Variants in PNKP observed in about 807,000 individuals in gnomAD.
PNKP encodes bifunctional polynucleotide phosphatase/kinase.
Under a neutral mutation model 66.2 loss-of-function variants are expected in PNKP, and 82 were observed. The ratio of observed to expected loss-of-function variants is 1.24; its 90% CI spans 1.04 to 1.49. The LOEUF is 1.49. Ranked by LOEUF, PNKP falls within the 40% of genes most tolerant of loss-of-function variation. The pLI is 0.00. For missense variants in PNKP, 907 were observed against 706.8 expected, an observed-to-expected ratio of 1.28 and a Z score of -3.21; for synonymous variants, 412 against 298.9, an observed-to-expected ratio of 1.38 and a Z score of -3.90.
chr19:49,862,011 A>G (rs1329561267), intron 13 of PNKP, 33 bp downstream of exon 13: 9 of 1,612,380 alleles, frequency 5.6e-6, no homozygotes, highest in South Asian at 3.3e-5. Context: ...GGAACTTTAT[A>G]ATAGATTTGG....
At chr19:49,862,317 C>G in intron 11 of PNKP, 36 bp from the exon 12 acceptor site, 1 of 1,544,882 alleles carries the variant, frequency 6.5e-7, no homozygotes, top group Non-Finnish European at 8.7e-7. Flanking sequence ...AGATGCCGTC[C>G]CCATCCCCGG....
rs3729641 is a variant in PNKP, at chr19:49,864,859, C to A, written c.498+268G>T. Among the ~76,000 whole-genome samples, 27,274 of 152,164 alleles carry A rather than the reference C, an allele frequency of 0.18. 2,587 individuals carry two copies. Among genetic ancestry groups the A allele is most frequent in the South Asian group, 0.27 (1,301 of 4,826 alleles). ...GTGGTAACAGCATTTGAACTCAAGT[C>A]TCTCTGGACATAAAAAATCCTCATC... is the stretch of plus-strand genomic sequence containing the variant. On this transcript the variant is annotated intron_variant, in intron 4 of 16. Coordinates refer to ENST00000322344, the MANE Select transcript of PNKP (RefSeq NM_007254.4).
At position 49,861,686 on chromosome 19, in the gene PNKP, CTG is replaced by C. The variant is rs2122319377; in HGVS notation, c.1306_1307del (p.Gln436ValfsTer57). ...AGGGGACGCCCGCGGCTCGGGCACA[CTG>C]GACGTACCTGTGGGGGAAGGAGCTG... is the stretch of plus-strand genomic sequence containing the variant. ...PDAASRARYV[Q>X]CARAAGVPCR... On this transcript the variant is annotated frameshift_variant, in exon 15 of 17. Transcript: ENST00000322344. LOFTEE classifies it high-confidence loss of function. 6.5e-7 allele frequency: 1 copy of C among 1,547,452 alleles called. No individual in the cohort carries two copies. The highest frequency in any genetic ancestry group is 8.7e-7 in the Non-Finnish European group (1 of 1,146,152).
Position 49,865,113 on chromosome 19 carries a change from G to T in PNKP, c.498+14C>A. 1 of 1,611,116 alleles carries T rather than the reference G, an allele frequency of 6.2e-7. No homozygotes were observed. Among genetic ancestry groups the T allele is most frequent in the South Asian group, 1.1e-5 (1 of 91,004 alleles). On this transcript the variant is annotated intron_variant, in intron 4 of 16. Coordinates refer to ENST00000322344, the MANE Select transcript of PNKP (RefSeq NM_007254.4). ...GTCTGTGGCGGCTCCCTCAGCCCTC[G>T]GCGTGGCCCTCACCTTGCCCTGGGG...
intron 4 of PNKP, 53 bp downstream of exon 4, chr19:49,865,071 CGTG>C (rs1317833984): frequency 6.7e-7 from 1 of 1,497,644 alleles, no homozygotes; most frequent in African/African-American, 1.4e-5. Context: ...ACGCAACAAA[CGTG>C]GGATTGGGTC....
chr19:49,863,623 G>A, intron 8 of PNKP, 66 bp downstream of exon 8: 1 of 1,250,052 alleles, frequency 8.0e-7, no homozygotes, highest in Non-Finnish European at 1.1e-6. Flanking sequence ...CCGGAGGCCG[G>A]GGAGCCCAGG....
chr19:49,861,698 G>A lies in PNKP; in HGVS notation c.1299-3C>T. On this transcript the variant is annotated splice_polypyrimidine_tract_variant and splice_region_variant and intron_variant, in intron 14 of 16. Transcript: ENST00000322344. Reference sequence around the variant, plus strand: ...CGGCTCGGGCACACTGGACGTACCTGTGGGGGAAGGAGCTGGATGTGCAGG... The same window carrying A: ...CGGCTCGGGCACACTGGACGTACCTATGGGGGAAGGAGCTGGATGTGCAGG... 1.3e-6 allele frequency: 2 copies of A among 1,547,904 alleles called. No individual in the cohort carries two copies. The highest frequency in any genetic ancestry group is 1.7e-6 in the Non-Finnish European group (2 of 1,146,304).
intron 10 of PNKP, 29 bp from the exon 11 acceptor site, chr19:49,862,492 A>G (rs2074782796): frequency 3.1e-6 from 5 of 1,596,776 alleles, no homozygotes; most frequent in Middle Eastern, 1.7e-4. Context: ...CATCAGACAC[A>G]GGCCAGGGTC....
chr19:49,866,865 C>G (rs1207637260), intron 2 of PNKP, 189 bp downstream of exon 2: 1 of 664,592 alleles, frequency 1.5e-6, no homozygotes, highest in Non-Finnish European at 2.7e-6. Context: ...GGCTCGATCC[C>G]CTCTCCCCCA....
chr19:49,867,244 C>T (rs374053425), intron 1 of PNKP, 27 bp from the exon 2 acceptor site: 144 of 1,578,088 alleles, frequency 9.1e-5, no homozygotes, highest in Non-Finnish European at 1.0e-4. Context: ...CGGGCTTGAG[C>T]GGCGCACAGC....
rs3739181 is a variant in PNKP at position 49,864,833 on chromosome 19, G to A, written c.498+294C>T. On this transcript the variant is annotated intron_variant, in intron 4 of 16. Transcript: ENST00000322344. The stretch of plus-strand genomic sequence containing the variant: ...ATGAGACACATGGGACTCAGAATGT[G>A]GTGGTAACAGCATTTGAACTCAAGT... Among the ~76,000 whole-genome samples the A allele has an allele frequency of 1.5e-3, 225 of 152,270 alleles. 1 individual carries two copies. The highest frequency in any genetic ancestry group is 5.3e-3 in the African/African-American group (219 of 41,538).
At chr19:49,865,904 C>T in intron 3 of PNKP, 1 of 236,886 alleles carries the variant, frequency 4.2e-6, no homozygotes, top group Non-Finnish European at 8.4e-6. Context: ...TGAGCCACCG[C>T]GCCTGGCCGC....
intron 1 of PNKP, 84 bp downstream of exon 1, chr19:49,867,385 C>T (rs2074829958): frequency 1.5e-6 from 1 of 667,710 alleles, no homozygotes; most frequent in Admixed American, 2.8e-5. Flanking sequence ...GACGCGTGCT[C>T]CATCCCTCCC....
rs898499626 is a variant in PNKP, at chr19:49,862,845, C to A, written c.817-107G>T. ...GTCTGTGCCCCACATCAGGAATCAT[C>A]CCCCGACCTTTCATGTCCTCACTCT... On this transcript the variant is annotated intron_variant, in intron 8 of 16. Transcript: ENST00000322344. 4 of 1,212,670 alleles carry A rather than the reference C, an allele frequency of 3.3e-6. No individual in the cohort carries two copies. The African/African-American group carries it at 6.0e-5, about 18-fold the overall frequency. The allele number at this position is 1,212,670 out of a possible 1,614,324, so 75.1% of individuals were successfully genotyped here. A position where few individuals can be genotyped will look rare whatever the true frequency, so the allele number is the denominator to read the frequency against.
chr19:49,866,519 C>T (rs1314943585), intron 2 of PNKP, 74 bp from the exon 3 acceptor site: 6 of 1,395,088 alleles, frequency 4.3e-6, no homozygotes. Flanking sequence ...GGAGTGTGGC[C>T]TGCTTCAGGC....
At position 49,862,547 on chromosome 19, in the gene PNKP, G is replaced by T. The variant is rs375879639; in HGVS notation, c.927C>A (p.Ala309=). 2 of 1,610,584 alleles carry T rather than the reference G, an allele frequency of 1.2e-6. No homozygotes were observed. The highest frequency in any genetic ancestry group is 2.2e-5 in the East Asian group (1 of 44,684). ...GGGGCAGGGGCCTCACCAGGCGATCGGCGCAGGAGAAGTCTTTCTTCTTCC... is the reference window on the plus strand; with the variant it reads ...GGGGCAGGGGCCTCACCAGGCGATCTGCGCAGGAGAAGTCTTTCTTCTTCC... ...PGRKKKDFSC[A]DRLFALNLGL... is the part of the protein sequence containing the mutation. Residue 309 remains alanine (A), a synonymous_variant, in exon 10 of 17, where the codon GCC becomes GCA. Transcript: ENST00000322344.
At chr19:49,863,781 C>T in intron 7 of PNKP, 21 bp from the exon 8 acceptor site, 1 of 1,551,076 alleles carries the variant, frequency 6.4e-7, no homozygotes, top group Non-Finnish European at 8.7e-7. Flanking sequence ...GAGGGGGCCA[C>T]CAGCTTTAGC....
chr19:49,866,572 A>AT (rs758220805), intron 2 of PNKP, 127 bp from the exon 3 acceptor site: 8 of 891,382 alleles, frequency 9.0e-6, no homozygotes, highest in Non-Finnish European at 1.3e-5. Flanking sequence ...TCTACATGGG[A>AT]TTGGCTCCTT....
In PNKP at chr19:49,865,273, T is replaced by C. The variant is rs1414544372; in HGVS notation, c.352A>G (p.Thr118Ala). The change falls in exon 4 of 17, where the codon ACT (threonine) becomes GCT (alanine). Residue 118 changes from threonine (T) to alanine (A), a missense_variant. Coordinates refer to ENST00000322344, the MANE Select transcript of PNKP (RefSeq NM_007254.4). Reference protein sequence around the residue: ...ETRTPESQPDTPPGTPLVSQD... With the variant: ...ETRTPESQPDAPPGTPLVSQD... ...GACACCAGAGGGGTGCCAGGCGGAG[T>C]ATCTGGCTGGGATTCTGGTGTGCGG... 2 of 1,614,024 alleles carry C rather than the reference T, an allele frequency of 1.2e-6. No individual in the cohort carries two copies. Among genetic ancestry groups the C allele is most frequent in the African/African-American group, 1.3e-5 (1 of 74,970 alleles).
Sources: allele counts gnomAD v4.1 joint callset (sites outside exome capture counted in the v4.1 genomes callset), GRCh38; gene constraint gnomAD v4.1.1; transcripts MANE v1.5; gene names NCBI Gene and HGNC (gene_info 2026-07-23, HGNC 2026-07-21).